Variants in GLT1D1 observed in about 807,000 individuals in gnomAD.
The protein encoded by GLT1D1 is glycosyltransferase 1 domain containing 1.
In GLT1D1, 21 loss-of-function variants were observed where a neutral mutation model predicts 28.7. That is an observed-to-expected ratio of 0.73 (90% CI 0.52 to 1.05). The LOEUF is 1.05. GLT1D1 is among the 50% of genes least tolerant of loss of function. The probability of loss-of-function intolerance (pLI) is 0.00; values close to 1 mark genes in which losing one functional copy is unlikely to be tolerated. For synonymous variants in GLT1D1, 147 were observed against 124.8 expected (o/e 1.18, Z -1.19); for missense variants, 343 against 330.6 (o/e 1.04, Z -0.29).
intron 1 of GLT1D1, among the ~76,000 whole-genome samples, chr12:128,869,472 A>G (rs12314547): frequency 0.027 from 4,159 of 152,142 alleles, 192 homozygotes; most frequent in African/African-American, 0.094. Context: ...GCCCAGCCCC[A>G]TCTATTTTGA....
At chr12:128,969,113 CTG>C (rs890784412) in intron 7 of GLT1D1, among the ~76,000 whole-genome samples, 1 of 125,294 alleles carries the variant, frequency 8.0e-6, no homozygotes, top group Non-Finnish European at 1.6e-5. Flanking sequence ...GTGTCTCTCT[CTG>C]TCTCTGTTTC....
chr12:128,930,097 T>C (rs1873704423), intron 4 of GLT1D1: 1 of 152,268 alleles, frequency 6.6e-6, no homozygotes, highest in Non-Finnish European at 1.5e-5. Flanking sequence ...CATATATGCA[T>C]GCACACACAC....
chr12:128,949,296 C>G (rs1337469551), intron 6 of GLT1D1, among the ~76,000 whole-genome samples: 1 of 152,202 alleles, frequency 6.6e-6, no homozygotes, highest in Non-Finnish European at 1.5e-5. Flanking sequence ...AAAGCAAAGG[C>G]AGCTGTTAGC....
chr12:128,959,194 A>T (rs919936609), intron 7 of GLT1D1, among the ~76,000 whole-genome samples: 1 of 151,802 alleles, frequency 6.6e-6, no homozygotes, highest in African/African-American at 2.4e-5. Context: ...ATTAAAGCAC[A>T]TATGATATTC....
intron 4 of GLT1D1, chr12:128,944,272 A>G (rs1341950185): frequency 3.2e-6 from 2 of 617,154 alleles, no homozygotes; most frequent in Non-Finnish European, 6.1e-6. Context: ...TTCTCCTTAT[A>G]GAGTAACTGA....
chr12:128,905,213 C>T (rs1870729584), intron 4 of GLT1D1, among the ~76,000 whole-genome samples: 1 of 152,226 alleles, frequency 6.6e-6, no homozygotes, highest in Admixed American at 6.5e-5. Context: ...ATGAAAGTTA[C>T]TAGTGACATC....
chr12:128,879,459 T>TTTCTTTCTTTCTTTCTTTC, intron 2 of GLT1D1, among the ~76,000 whole-genome samples: 1 of 130,834 alleles, frequency 7.6e-6, no homozygotes, highest in African/African-American at 2.9e-5. Flanking sequence ...TCTTTCTTTC[T>TTTCTTTCTTTCTTTCTTTC]TTTTTTTGGG....
Position 128,956,166 on chromosome 12 carries a change from A to AAAAAAAAAAAAAAT in GLT1D1, c.541-1373_541-1372insAAAAAAATAAAAAA, listed in dbSNP as rs1252826825. Among the ~76,000 whole-genome samples, 4 of 81,994 alleles carry AAAAAAAAAAAAAAT rather than the reference A, an allele frequency of 4.9e-5. 2 individuals are homozygous for AAAAAAAAAAAAAAT. The East Asian group carries it at 1.1e-3, about 23-fold the overall frequency. 53.8% of individuals were successfully genotyped at this position (81,994 alleles called of 152,430 possible). On this transcript the variant is annotated intron_variant, in intron 6 of 7. Coordinates refer to ENST00000281703, the MANE Select transcript of GLT1D1 (RefSeq NM_144669.3). ...AGAGCGAGACTCCATCTCAAAAAAA[A>AAAAAAAAAAAAAAT]AAAAAAGAGAAAGAGAGAAAGAAAG...
At chr12:128,942,151 T>A (rs943550271) in intron 4 of GLT1D1, among the ~76,000 whole-genome samples, 7 of 151,668 alleles carry the variant, frequency 4.6e-5, no homozygotes, top group Non-Finnish European at 8.8e-5. Flanking sequence ...CACTGAGACA[T>A]CAGGCAGCAG....
intron 4 of GLT1D1, 59 bp from the exon 8 acceptor site, chr12:128,927,046 T>G (rs978451389): frequency 8.5e-7 from 1 of 1,172,654 alleles, no homozygotes; most frequent in Non-Finnish European, 1.2e-6. Flanking sequence ...TTAGTTGTGC[T>G]TGCAGCTGTG....
At chr12:128,900,426 C>A (rs775683043) in intron 4 of GLT1D1, among the ~76,000 whole-genome samples, 1 of 152,222 alleles carries the variant, frequency 6.6e-6, no homozygotes, top group Non-Finnish European at 1.5e-5. Flanking sequence ...ACCCAGTCAT[C>A]TGTGGTCTCT....
intron 4 of GLT1D1, among the ~76,000 whole-genome samples, chr12:128,907,301 ATCTT>A (rs755743753): frequency 8.5e-6 from 1 of 118,338 alleles, no homozygotes; most frequent in Admixed American, 1.1e-4. Context: ...CAGGAAGCTA[ATCTT>A]TTTTTTTTTT....
chr12:128,939,973 A>C (rs769665311), intron 4 of GLT1D1, among the ~76,000 whole-genome samples: 44 of 151,664 alleles, frequency 2.9e-4, no homozygotes, highest in Middle Eastern at 3.5e-3. Context: ...ATATATATAT[A>C]TCTTATATAT....
At chr12:128,872,558 A>G (rs1242979534) in intron 1 of GLT1D1, among the ~76,000 whole-genome samples, 2 of 152,154 alleles carry the variant, frequency 1.3e-5, no homozygotes, top group African/African-American at 2.4e-5. Flanking sequence ...TCTGCCATGC[A>G]GGGTGAGCTG....
At chr12:128,881,937 A>G (rs1464316636) in intron 2 of GLT1D1, among the ~76,000 whole-genome samples, 1 of 152,010 alleles carries the variant, frequency 6.6e-6, no homozygotes, top group African/African-American at 2.4e-5. Context: ...GTTTTAAACA[A>G]TATCATGATG....
chr12:128,869,623 C>G (rs12307695), intron 1 of GLT1D1, among the ~76,000 whole-genome samples: 4,161 of 152,098 alleles, frequency 0.027, 191 homozygotes, highest in African/African-American at 0.094. Flanking sequence ...GTGTGCATGT[C>G]TAACCGAGCT....
chr12:128,927,049 C>A, intron 4 of GLT1D1, 56 bp from the exon 8 acceptor site: 1 of 1,202,270 alleles, frequency 8.3e-7, no homozygotes, highest in Non-Finnish European at 1.2e-6. Flanking sequence ...GTTGTGCTTG[C>A]AGCTGTGACT....
chr12:128,883,529 G>A (rs1174995922), intron 2 of GLT1D1, among the ~76,000 whole-genome samples: 1 of 149,786 alleles, frequency 6.7e-6, no homozygotes, highest in Non-Finnish European at 1.5e-5. Context: ...GACGGAGCTT[G>A]CAGTGAGCTG....
chr12:128,881,561 A>AAAAT lies in GLT1D1; in HGVS notation c.217+5500_217+5501insAATA, dbSNP rs1555262848. 1.6e-3 allele frequency among the ~76,000 whole-genome samples: 54 copies of AAAAT among 33,698 alleles called. 3 individuals are homozygous for AAAAT. Among genetic ancestry groups the AAAAT allele is most frequent in the Non-Finnish European group, 2.0e-3 (38 of 19,320 alleles). 22.1% of individuals were successfully genotyped at this position (33,698 alleles called of 152,430 possible). On this transcript the variant is annotated intron_variant, in intron 2 of 7. Coordinates refer to ENST00000281703, the MANE Select transcript of GLT1D1 (RefSeq NM_144669.3). Reference sequence around the variant, plus strand: ...AAAAAAAAAAAAAAAAAAAAAAAAAAATATATATATATATATATATATATA... The same window carrying AAAAT: ...AAAAAAAAAAAAAAAAAAAAAAAAAAAAATATATATATATATATATATATATATA...
Sources: allele counts gnomAD v4.1 joint callset (sites outside exome capture counted in the v4.1 genomes callset), GRCh38; gene constraint gnomAD v4.1.1; transcripts MANE v1.5; gene names NCBI Gene and HGNC (gene_info 2026-07-23, HGNC 2026-07-21).